The following STAB2 variants were observed in gnomAD, a reference collection of about 807,000 sequenced individuals.
The protein encoded by STAB2 is stabilin 2.
Under a neutral mutation model 338.1 loss-of-function variants are expected in STAB2, and 288 were observed. The observed-to-expected ratio is 0.85, with a 90% CI of 0.77 to 0.94. STAB2 has a LOEUF of 0.94. Among genes scored for constraint, STAB2 ranks in the 40% least tolerant of loss-of-function variants. The pLI is 0.00. For missense variants in STAB2, 3,141 were observed against 3,210.1 expected, an observed-to-expected ratio of 0.98 and a Z score of 0.52; for synonymous variants, 1,202 against 1,193.3, an observed-to-expected ratio of 1.01 and a Z score of -0.15.
Position 103,677,542 on chromosome 12 carries a change from C to T in STAB2, c.2736C>T (p.Asn912=). ...ATGGGAGAGACTGCTCGGAGATCAACAACTGCCTGCTGCCCAGTGCAGGCG... is the reference window on the plus strand; with the variant it reads ...ATGGGAGAGACTGCTCGGAGATCAATAACTGCCTGCTGCCCAGTGCAGGCG... ...TGNGRDCSEI[N]NCLLPSAGGC... Residue 912 remains asparagine (N), a synonymous_variant, in exon 25 of 69, where the codon AAC becomes AAT. Transcript: ENST00000388887. 6.2e-7 allele frequency: 1 copy of T among 1,614,218 alleles called. No individual in the cohort carries two copies.
At chr12:103,607,943 A>G (rs1165548968) in intron 3 of STAB2, among the ~76,000 whole-genome samples, 2 of 152,110 alleles carry the variant, frequency 1.3e-5, no homozygotes, top group Non-Finnish European at 2.9e-5. Context: ...CTAGTTCTAG[A>G]TCCCTGAGGA....
rs1354903617 is a variant in STAB2 at position 103,715,895 on chromosome 12, G to A, written c.4611+7G>A. The A allele has an allele frequency of 6.2e-7, 1 of 1,613,870 alleles. No homozygotes were observed. Among genetic ancestry groups the A allele is most frequent in the Non-Finnish European group, 8.5e-7 (1 of 1,179,842 alleles). Reference sequence around the variant, plus strand: ...ACAGACAGGACCCAACCAGGTGAGTGCCACCTCTCCCAGGCCCTTAGGTTT... The same window carrying A: ...ACAGACAGGACCCAACCAGGTGAGTACCACCTCTCCCAGGCCCTTAGGTTT... On this transcript the variant is annotated splice_region_variant and intron_variant, in intron 43 of 68. Coordinates refer to ENST00000388887, the MANE Select transcript of STAB2 (RefSeq NM_017564.10).
At chr12:103,642,188 T>G (rs1872974266) in intron 9 of STAB2, among the ~76,000 whole-genome samples, 1 of 152,212 alleles carries the variant, frequency 6.6e-6, no homozygotes, top group Admixed American at 6.5e-5. Context: ...TAATATGCTT[T>G]TAAACGCTAA....
intron 28 of STAB2, among the ~76,000 whole-genome samples, chr12:103,689,414 C>T (rs1182721476): frequency 2.0e-5 from 3 of 150,654 alleles, no homozygotes; most frequent in East Asian, 2.0e-4. Context: ...ACCTGGGAGG[C>T]GGAGGTTGCA....
At position 103,669,560 on chromosome 12, in the gene STAB2, G is replaced by C. The variant is rs755760459; in HGVS notation, c.2192G>C (p.Gly731Ala). ...TTTCAGATTCCAAAGTGCTGCAAAG[G>C]CTTCTATGGACCTGACTGCAACCAG... ...ATVKIPKCCK[G>A]FYGPDCNQCP... Residue 731 changes from glycine (G) to alanine (A), a missense_variant, in exon 21 of 69, where the codon GGC becomes GCC. Physicochemically the swap from Gly to Ala is moderately conservative, Grantham distance 60. Coordinates refer to ENST00000388887, the MANE Select transcript of STAB2 (RefSeq NM_017564.10). The C allele has an allele frequency of 6.2e-7, 1 of 1,614,200 alleles. No individual in the cohort carries two copies. Among genetic ancestry groups the C allele is most frequent in the Non-Finnish European group, 8.5e-7 (1 of 1,180,030 alleles).
chr12:103,759,372 CAT>C (rs1884376498), intron 65 of STAB2, 99 bp downstream of exon 65: 1 of 1,487,010 alleles, frequency 6.7e-7, no homozygotes, highest in Non-Finnish European at 9.0e-7. Flanking sequence ...ATTATGCAAA[CAT>C]AAACTCTAAA....
Position 103,620,456 on chromosome 12 carries a change from T to C in STAB2, c.332-12T>C, listed in dbSNP as rs1314836282. ...TCACGAATGAATACATCTGAGCTGT[T>C]TGATTCCCTAGAGTGCCCAGGTGGA... On this transcript the variant is annotated splice_polypyrimidine_tract_variant and intron_variant, in intron 3 of 68. Coordinates refer to ENST00000388887, the MANE Select transcript of STAB2 (RefSeq NM_017564.10). The C allele has an allele frequency of 3.2e-5, 50 of 1,571,384 alleles. No individual in the cohort carries two copies. Among genetic ancestry groups the C allele is most frequent in the Non-Finnish European group, 4.1e-5 (48 of 1,156,976 alleles).
intron 11 of STAB2, 118 bp downstream of exon 11, chr12:103,650,696 A>G: frequency 1.3e-6 from 1 of 756,862 alleles, no homozygotes; most frequent in African/African-American, 1.8e-5. Context: ...GATGATAAGG[A>G]TGGTGATTTT....
At chr12:103,700,291 ATTAT>A (rs778522325) in intron 34 of STAB2, among the ~76,000 whole-genome samples, 78 of 152,356 alleles carry the variant, frequency 5.1e-4, no homozygotes, top group African/African-American at 1.2e-3. Flanking sequence ...ATTAAAACAA[ATTAT>A]TTAAGAGACA....
rs61742519 is a variant in STAB2 at position 103,750,688 on chromosome 12, C to A, written c.6548C>A (p.Ala2183Glu). The A allele has an allele frequency of 6.8e-6, 11 of 1,614,018 alleles. No homozygotes were observed. The highest frequency in any genetic ancestry group is 1.3e-5 in the African/African-American group (1 of 74,952). Residue 2183 changes from alanine (A) to glutamate (E), a missense_variant, in exon 60 of 69, where the codon GCA becomes GAA. Transcript: ENST00000388887. The stretch of plus-strand genomic sequence containing the variant: ...TTACAGGACAATGGGCAGTGCCATG[C>A]AGACGCCAAATGTGTCGACCTCCAC... Reference protein sequence around the residue: ...RCLQDNGQCHADAKCVDLHFQ... With the variant: ...RCLQDNGQCHEDAKCVDLHFQ...
intron 49 of STAB2, among the ~76,000 whole-genome samples, chr12:103,730,488 T>A (rs1421622129): frequency 6.6e-6 from 1 of 152,222 alleles, no homozygotes; most frequent in Non-Finnish European, 1.5e-5. Flanking sequence ...GGACAGGTAG[T>A]CTTACATAGG....
At position 103,755,646 on chromosome 12, in the gene STAB2, A is replaced by G. The variant is rs1884045765; in HGVS notation, c.6915A>G (p.Gly2305=). The G allele has an allele frequency of 6.2e-7, 1 of 1,614,024 alleles. No homozygotes were observed. ...VNCTCKVGYV[G]DGFSCSGNLL... Reference sequence around the variant, plus strand: ...GCACCTGCAAGGTGGGCTATGTGGGAGATGGCTTCTCATGCAGTGGGAACC... The same window carrying G: ...GCACCTGCAAGGTGGGCTATGTGGGGGATGGCTTCTCATGCAGTGGGAACC... The change falls in exon 63 of 69, where the codon GGA becomes GGG. Residue 2305 remains glycine, a synonymous_variant. Coordinates refer to ENST00000388887, the MANE Select transcript of STAB2 (RefSeq NM_017564.10).
intron 3 of STAB2, among the ~76,000 whole-genome samples, chr12:103,613,437 T>G (rs1203624063): frequency 6.6e-6 from 1 of 152,182 alleles, no homozygotes; most frequent in Non-Finnish European, 1.5e-5. Context: ...GATCTCAGAC[T>G]GCTGTGCTAG....
chr12:103,727,588 A>T (rs1004173214), intron 47 of STAB2, among the ~76,000 whole-genome samples: 1 of 152,268 alleles, frequency 6.6e-6, no homozygotes. Context: ...TGAACAAAGT[A>T]TGAGGTTGGA....
intron 50 of STAB2, 111 bp downstream of exon 50, chr12:103,731,746 A>G: frequency 9.4e-7 from 1 of 1,068,946 alleles, no homozygotes; most frequent in Non-Finnish European, 1.4e-6. Context: ...CTGTTGTGGG[A>G]TCTGCATGGG....
At chr12:103,682,458 C>A in intron 25 of STAB2, among the ~76,000 whole-genome samples, 1 of 152,208 alleles carries the variant, frequency 6.6e-6, no homozygotes, top group East Asian at 1.9e-4. Flanking sequence ...AAAAGACAAA[C>A]CGTGCTGGAG....
chr12:103,670,723 A>G lies in STAB2; in HGVS notation c.2287A>G (p.Thr763Ala). 6.2e-7 allele frequency: 1 copy of G among 1,614,116 alleles called. No individual in the cohort carries two copies. The highest frequency in any genetic ancestry group is 8.5e-7 in the Non-Finnish European group (1 of 1,179,992). Residue 763 changes from threonine to alanine, a missense_variant, in exon 22 of 69, where the codon ACA becomes GCA. Coordinates refer to ENST00000388887, the MANE Select transcript of STAB2 (RefSeq NM_017564.10). ...QCADSLGGNG[T>A]CICEEGFQGS... The stretch of plus-strand genomic sequence containing the variant: ...TGCAGATAGCCTCGGCGGCAACGGG[A>G]CATGCATTTGTGAGGAGGGCTTCCA...
At chr12:103,607,049 C>T (rs1442773616) in intron 3 of STAB2, among the ~76,000 whole-genome samples, 4 of 152,134 alleles carry the variant, frequency 2.6e-5, no homozygotes, top group African/African-American at 9.7e-5. Flanking sequence ...TATCTTTGTT[C>T]CTCTCAGCAT....
intron 51 of STAB2, 126 bp downstream of exon 51, chr12:103,733,308 A>T: frequency 1.8e-6 from 2 of 1,103,540 alleles, no homozygotes; most frequent in Non-Finnish European, 2.7e-6. Flanking sequence ...AGGAAGCCAC[A>T]GCATCCCCTG....
Sources: allele counts gnomAD v4.1 joint callset (sites outside exome capture counted in the v4.1 genomes callset), GRCh38; gene constraint gnomAD v4.1.1; transcripts MANE v1.5; gene names NCBI Gene and HGNC (gene_info 2026-07-23, HGNC 2026-07-21).